Variants in CDHR1 observed in about 807,000 individuals in gnomAD.
The protein encoded by CDHR1 is cadherin related family member 1.
CDHR1 carries 61 observed loss-of-function variants against 72.1 expected under a neutral mutation model. The ratio of observed to expected loss-of-function variants is 0.85; its 90% CI spans 0.69 to 1.05. The LOEUF is 1.05. Among genes scored for constraint, CDHR1 ranks in the 50% least tolerant of loss-of-function variants. The pLI is 0.00. For missense variants in CDHR1, 1,186 were observed against 1,115.7 expected, an observed-to-expected ratio of 1.06 and a Z score of -0.90; for synonymous variants, 470 against 448.1, an observed-to-expected ratio of 1.05 and a Z score of -0.62.
Position 84,216,866 on chromosome 10 carries a change from G to A in CDHR1, c.*2245G>A. The A allele has an allele frequency of 5.1e-6, 5 of 985,516 alleles. No individual in the cohort carries two copies. The highest frequency in any genetic ancestry group is 6.0e-6 in the Non-Finnish European group (5 of 829,958). 61.0% of individuals were successfully genotyped at this position (985,516 alleles called of 1,614,324 possible). A position where few individuals can be genotyped will look rare whatever the true frequency, so the allele number is the denominator to read the frequency against. On this transcript the variant is annotated 3_prime_UTR_variant, in exon 17 of 17. Coordinates refer to ENST00000623527, the MANE Select transcript of CDHR1 (RefSeq NM_033100.4). ...GCAGCCCGGCAAGGGCAGGAATTGG[G>A]AGGCCTAGGGTGGGCATGAAAGCTT...
At chr10:84,195,700 C>T in intron 2 of CDHR1, 111 bp downstream of exon 2, 1 of 861,250 alleles carries the variant, frequency 1.2e-6, no homozygotes, top group South Asian at 1.4e-5. Flanking sequence ...CCCGGGGGCT[C>T]CTTGTTTGCT....
intron 16 of CDHR1, 118 bp downstream of exon 16, chr10:84,213,466 A>T: frequency 7.4e-7 from 1 of 1,358,538 alleles, no homozygotes; most frequent in Non-Finnish European, 1.0e-6. Context: ...ACTCAACGTT[A>T]TCAAAGGCAG....
In CDHR1 at chr10:84,216,965, C is replaced by T. The variant is rs748320243; in HGVS notation, c.*2344C>T. The T allele has an allele frequency of 1.1e-5, 11 of 985,308 alleles. No homozygotes were observed. Among genetic ancestry groups the T allele is most frequent in the East Asian group, 1.1e-4 (1 of 8,812 alleles). The allele number at this position is 985,308 out of a possible 1,614,324, so 61.0% of individuals were successfully genotyped here. On this transcript the variant is annotated 3_prime_UTR_variant, in exon 17 of 17. Coordinates refer to ENST00000623527, the MANE Select transcript of CDHR1 (RefSeq NM_033100.4). Reference sequence around the variant, plus strand: ...GGAAGCTTGGGCTTGCAAGTGGATCCGGGACCGAGGGTGGTCTCTTGGACA... The same window carrying T: ...GGAAGCTTGGGCTTGCAAGTGGATCTGGGACCGAGGGTGGTCTCTTGGACA...
intron 16 of CDHR1, 55 bp downstream of exon 16, chr10:84,213,403 T>C: frequency 6.2e-7 from 1 of 1,611,654 alleles, no homozygotes; most frequent in East Asian, 2.2e-5. Context: ...CTCAGACCTC[T>C]CTGCAACGTG....
At chr10:84,211,493 T>G (rs1842330692) in intron 13 of CDHR1, among the ~76,000 whole-genome samples, 155 bp from the exon 14 acceptor site, 1 of 152,178 alleles carries the variant, frequency 6.6e-6, no homozygotes, top group Non-Finnish European at 1.5e-5. Flanking sequence ...GGAGGAAAAC[T>G]AGGGATCCCG....
In CDHR1 at chr10:84,217,679, A is replaced by T; in HGVS notation, c.*3058A>T. 2 of 985,514 alleles carry T rather than the reference A, an allele frequency of 2.0e-6. No homozygotes were observed. The highest frequency in any genetic ancestry group is 2.4e-6 in the Non-Finnish European group (2 of 830,000). 61.0% of individuals were successfully genotyped at this position (985,514 alleles called of 1,614,324 possible). ...ACATACTAGAACACCATGTCCTGAAAGAGAGGACCCCCTCCATGCATCCTC... is the reference window on the plus strand; with the variant it reads ...ACATACTAGAACACCATGTCCTGAATGAGAGGACCCCCTCCATGCATCCTC... On this transcript the variant is annotated 3_prime_UTR_variant, in exon 17 of 17. Transcript: ENST00000623527.
At position 84,196,618 on chromosome 10, in the gene CDHR1, A is replaced by G; in HGVS notation, c.265A>G (p.Asn89Asp). The G allele has an allele frequency of 6.2e-7, 1 of 1,614,202 alleles. No homozygotes were observed. Among genetic ancestry groups the G allele is most frequent in the Non-Finnish European group, 8.5e-7 (1 of 1,180,038 alleles). The change falls in exon 3 of 17, where the codon AAC (asparagine) becomes GAC (aspartate). Residue 89 changes from asparagine (N) to aspartate (D), a missense_variant. Asn to Asp is a conservative substitution (Grantham distance 23). Coordinates refer to ENST00000623527, the MANE Select transcript of CDHR1 (RefSeq NM_033100.4). ...CTTTTCTGTTGACCCCACTTTTGGA[A>G]ACATCACCCTGGTTGAAGAGCTGGA... ...SVFSVDPTFG[N>D]ITLVEELDRE...
At position 84,204,533 on chromosome 10, in the gene CDHR1, G is replaced by A. The variant is rs1317567664; in HGVS notation, c.790G>A (p.Glu264Lys). ...CTGTTCCTGTTTCCCCGAGGGCTCG[G>A]AGGTACTGAAGGTGGTCGCCATGGA... Reference protein sequence around the residue: ...YVYEDTLPGSEVLKVVAMDGD... With the variant: ...YVYEDTLPGSKVLKVVAMDGD... The change falls in exon 9 of 17, where the codon GAG becomes AAG. Residue 264 changes from glutamate (E) to lysine (K), a missense_variant. By Grantham distance (56) the Glu-to-Lys change is moderately conservative. Transcript: ENST00000623527. 1 of 1,612,372 alleles carries A rather than the reference G, an allele frequency of 6.2e-7. No homozygotes were observed.
Position 84,214,653 on chromosome 10 carries a change from G to T in CDHR1, c.*32G>T, listed in dbSNP as rs766078512. 3 of 1,506,874 alleles carry T rather than the reference G, an allele frequency of 2.0e-6. No homozygotes were observed. Among genetic ancestry groups the T allele is most frequent in the South Asian group, 2.3e-5 (2 of 88,834 alleles). The allele number at this position is 1,506,874 out of a possible 1,614,324, so 93.3% of individuals were successfully genotyped here. On this transcript the variant is annotated 3_prime_UTR_variant, in exon 17 of 17. Transcript: ENST00000623527. ...CCCTATGACCCCCCATCTTTCCTCC[G>T]CCCCTGACCCCCACCACCCTGCTGC...
intron 7 of CDHR1, among the ~76,000 whole-genome samples, chr10:84,202,600 G>T (rs149174610): frequency 6.6e-6 from 1 of 152,180 alleles, no homozygotes; most frequent in Non-Finnish European, 1.5e-5. Flanking sequence ...TGCTCAGTGC[G>T]GGGCCCAAGT....
chr10:84,195,515 A>G lies in CDHR1; in HGVS notation c.77A>G (p.His26Arg), dbSNP rs2132784819. The G allele has an allele frequency of 6.2e-6, 10 of 1,614,032 alleles. No homozygotes were observed. The highest frequency in any genetic ancestry group is 8.5e-6 in the Non-Finnish European group (10 of 1,179,972). The change falls in exon 2 of 17, where the codon CAC (histidine) becomes CGC (arginine). Residue 26 changes from histidine (H) to arginine (R), a missense_variant. His to Arg is a conservative substitution (Grantham distance 29). Transcript: ENST00000623527. The part of the protein sequence containing the change: ...LCLAQANFAP[H>R]FFDNGVGSTN... ...CCAGCTCAGGCCAACTTCGCCCCGC[A>G]CTTCTTCGACAACGGGGTCGGCAGC...
In CDHR1 at chr10:84,216,951, C is replaced by T. The variant is rs1842435221; in HGVS notation, c.*2330C>T. On this transcript the variant is annotated 3_prime_UTR_variant, in exon 17 of 17. Coordinates refer to ENST00000623527, the MANE Select transcript of CDHR1 (RefSeq NM_033100.4). Reference sequence around the variant, plus strand: ...AAGACCTCTAGGCTGGAAGCTTGGGCTTGCAAGTGGATCCGGGACCGAGGG... The same window carrying T: ...AAGACCTCTAGGCTGGAAGCTTGGGTTTGCAAGTGGATCCGGGACCGAGGG... 1 of 985,478 alleles carries T rather than the reference C, an allele frequency of 1.0e-6. No individual in the cohort carries two copies. Among genetic ancestry groups the T allele is most frequent in the Non-Finnish European group, 1.2e-6 (1 of 829,952 alleles). 61.0% of individuals were successfully genotyped at this position (985,478 alleles called of 1,614,324 possible).
intron 15 of CDHR1, 135 bp from the exon 16 acceptor site, chr10:84,212,956 C>CA: frequency 8.5e-7 from 1 of 1,170,524 alleles, no homozygotes; most frequent in Non-Finnish European, 1.3e-6. Context: ...GTTCCTTTCC[C>CA]AACTCAATCC....
At chr10:84,204,393 G>A (rs1000803984) in intron 8 of CDHR1, 134 bp from the exon 9 acceptor site, 2 of 707,384 alleles carry the variant, frequency 2.8e-6, no homozygotes, top group South Asian at 1.5e-5. Context: ...GTAGGGCCAT[G>A]CTCCACCGCC....
chr10:84,214,770 A>G lies in CDHR1; in HGVS notation c.*149A>G, dbSNP rs937053525. On this transcript the variant is annotated 3_prime_UTR_variant, in exon 17 of 17. Coordinates refer to ENST00000623527, the MANE Select transcript of CDHR1 (RefSeq NM_033100.4). ...CCCCACTGTCCTCATCTCTACCGCC[A>G]CCTTCTGGCGCAACAAGAAGTTGCG... 1.0e-5 allele frequency: 16 copies of G among 1,557,776 alleles called. No homozygotes were observed. The African/African-American group carries it at 1.9e-4, about 19-fold the overall frequency.
At position 84,201,881 on chromosome 10, in the gene CDHR1, C is replaced by T. The variant is rs139313264; in HGVS notation, c.600C>T (p.Tyr200=). The T allele has an allele frequency of 2.1e-5, 34 of 1,608,252 alleles. No homozygotes were observed. Among genetic ancestry groups the T allele is most frequent in the African/African-American group, 1.5e-4 (11 of 75,054 alleles). ...LRLQAGATLD[Y]ERSRTHYITV... ...TCCAGGCTGGGGCCACTCTGGACTACGAGAGGTCCCGGACCCACTACATCA... is the reference window on the plus strand; with the variant it reads ...TCCAGGCTGGGGCCACTCTGGACTATGAGAGGTCCCGGACCCACTACATCA... Residue 200 remains tyrosine, a synonymous_variant, in exon 7 of 17, where the codon TAC becomes TAT. Transcript: ENST00000623527.
chr10:84,218,839 T>C, downstream of CDHR1: 1 of 916,736 alleles, frequency 1.1e-6, no homozygotes, highest in Non-Finnish European at 1.4e-6. Context: ...CAAATGGCCC[T>C]ATGTGCTGAG....
Position 84,194,632 on chromosome 10 carries a change from C to G in CDHR1, c.-129C>G, listed in dbSNP as rs889569107. The G allele has an allele frequency of 1.6e-6, 1 of 642,148 alleles. No individual in the cohort carries two copies. Among genetic ancestry groups the G allele is most frequent in the South Asian group, 2.9e-5 (1 of 34,648 alleles). The allele number at this position is 642,148 out of a possible 1,614,324, so 39.8% of individuals were successfully genotyped here. A position where few individuals can be genotyped will look rare whatever the true frequency, so the allele number is the denominator to read the frequency against. ...CACCCGCCGCTCCCGCCCCGTGCCC[C>G]CTCCCGCCGCGGCTGCAGTCGCCGC... On this transcript the variant is annotated 5_prime_UTR_variant, in exon 1 of 17. Coordinates refer to ENST00000623527, the MANE Select transcript of CDHR1 (RefSeq NM_033100.4).
intron 15 of CDHR1, 168 bp from the exon 16 acceptor site, chr10:84,212,923 G>T (rs1355308489): frequency 2.4e-6 from 2 of 821,306 alleles, no homozygotes; most frequent in Non-Finnish European, 4.0e-6. Context: ...GTAAACCCTG[G>T]CTTATAGGAG....
Sources: gnomAD v4.1 joint callset for allele counts (sites outside exome capture counted in the v4.1 genomes callset) on GRCh38, gnomAD v4.1.1 for gene constraint, MANE v1.5 for transcripts, NCBI Gene and HGNC (gene_info 2026-07-23, HGNC 2026-07-21) for gene names.